The following ZNF429 variants were observed in gnomAD, a reference collection of about 807,000 sequenced individuals.
ZNF429 encodes the protein zinc finger protein 429.
A neutral mutation model predicts 56.8 loss-of-function variants in ZNF429; 53 were observed. The observed-to-expected ratio is 0.93, with a 90% CI of 0.75 to 1.17. The LOEUF is 1.17. Ranked by LOEUF, ZNF429 falls within the 50% of genes most tolerant of loss-of-function variation. The pLI is 0.00. For synonymous variants in ZNF429, 278 were observed against 264.7 expected (o/e 1.05, Z -0.49); for missense variants, 849 against 788.4 (o/e 1.08, Z -0.92).
chr19:21,512,662 C>CAAAAAAAAAAA (rs35584125), intron 1 of ZNF429, among the ~76,000 whole-genome samples: 1 of 81,378 alleles, frequency 1.2e-5, no homozygotes, highest in Non-Finnish European at 2.3e-5. Context: ...GACTCCATCT[C>CAAAAAAAAAAA]AAAAAAAAAA....
intron 1 of ZNF429, among the ~76,000 whole-genome samples, chr19:21,525,045 A>G (rs1217155907): frequency 6.6e-6 from 1 of 152,176 alleles, no homozygotes; most frequent in African/African-American, 2.4e-5. Context: ...TAGACTATCA[A>G]CTGGATAAAT....
rs930348038 is a variant in ZNF429, at chr19:21,537,655, G to T, written c.1602G>T (p.Glu534Asp). ...AACATAAGAAAATTCATACTGGAGA[G>T]AAACCTTACAAATGTGAAGAATGTG... ...LTQHKKIHTG[E>D]KPYKCEECGK... The change falls in exon 4 of 4, where the codon GAG (glutamate) becomes GAT (aspartate). Residue 534 changes from glutamate to aspartate, a missense_variant. By Grantham distance (45) the Glu-to-Asp change is conservative. Transcript: ENST00000358491. 4.3e-6 allele frequency: 7 copies of T among 1,613,374 alleles called. No individual in the cohort carries two copies. The highest frequency in any genetic ancestry group is 1.7e-5 in the Admixed American group (1 of 59,946).
At chr19:21,505,965 G>T (rs1432602716) in intron 1 of ZNF429, 191 bp downstream of exon 1, 2 of 529,510 alleles carry the variant, frequency 3.8e-6, no homozygotes, top group South Asian at 1.9e-5. Context: ...GGCCCCGGGC[G>T]TCCTGTCTTC....
rs1164629222 is a variant in ZNF429, at chr19:21,538,516, C to G, written c.*438C>G. On this transcript the variant is annotated 3_prime_UTR_variant, in exon 4 of 4. Transcript: ENST00000358491. ...TTGGGAGGCTGAGGCAGGAGAATTG[C>G]TTGAACCTGGGAGCCAGAGGTAGCA... is the stretch of plus-strand genomic sequence containing the variant. The G allele has an allele frequency of 6.5e-6, 1 of 153,106 alleles. No individual in the cohort carries two copies. Among genetic ancestry groups the G allele is most frequent in the Non-Finnish European group, 1.4e-5 (1 of 69,000 alleles). 9.5% of individuals were successfully genotyped at this position (153,106 alleles called of 1,614,324 possible). A position where few individuals can be genotyped will look rare whatever the true frequency, so the allele number is the denominator to read the frequency against.
At chr19:21,531,121 A>AACC in intron 3 of ZNF429, among the ~76,000 whole-genome samples, 2 of 104,888 alleles carry the variant, frequency 1.9e-5, no homozygotes, top group Non-Finnish European at 3.8e-5. Flanking sequence ...AAAAAAAAAA[A>AACC]AAAAAAAACC....
rs1377422330 is a variant in ZNF429 at position 21,538,918 on chromosome 19, T to C, written c.*840T>C. Among the ~76,000 whole-genome samples the C allele has an allele frequency of 6.6e-6, 1 of 152,182 alleles. No individual in the cohort carries two copies. The highest frequency in any genetic ancestry group is 2.4e-5 in the African/African-American group (1 of 41,456). ...AACATTACAAATGTAAAGAGGGTTA[T>C]AGTGCATTTACTTGTATCACAGATC... On this transcript the variant is annotated 3_prime_UTR_variant, in exon 4 of 4. Coordinates refer to ENST00000358491, the MANE Select transcript of ZNF429 (RefSeq NM_001001415.4).
chr19:21,522,210 C>T (rs1281522124), intron 1 of ZNF429, among the ~76,000 whole-genome samples: 1 of 152,198 alleles, frequency 6.6e-6, no homozygotes. Flanking sequence ...TACCTCCTGT[C>T]GTGAAGATAG....
intron 1 of ZNF429, chr19:21,519,078 G>T (rs527474356): frequency 1.3e-5 from 2 of 152,198 alleles, no homozygotes; most frequent in Middle Eastern, 3.4e-3. Context: ...TTGAGTTTAG[G>T]TTCTGATATC....
chr19:21,515,932 A>G (rs999944290), intron 1 of ZNF429, among the ~76,000 whole-genome samples: 2 of 151,982 alleles, frequency 1.3e-5, no homozygotes, highest in Non-Finnish European at 2.9e-5. Flanking sequence ...ATTCTGTTGC[A>G]TTGGTCTATG....
chr19:21,532,724 G>C, intron 3 of ZNF429, among the ~76,000 whole-genome samples: 1,517 of 150,976 alleles, frequency 0.01, 29 homozygotes, highest in African/African-American at 0.034. Context: ...TGGAGACGGT[G>C]GTCTCGCTTT....
At chr19:21,511,404 A>G (rs7248165) in intron 1 of ZNF429, among the ~76,000 whole-genome samples, 121,451 of 149,984 alleles carry the variant, frequency 0.81, 49,726 homozygotes, top group African/African-American at 0.95. Context: ...AGACAGGGTC[A>G]CGGCCGGGCA....
At position 21,538,880 on chromosome 19, in the gene ZNF429, TAGTCTGAGGAAAAACATTACAAA is replaced by T. The variant is rs71176897; in HGVS notation, c.*803_*825del. Among the ~76,000 whole-genome samples, 28,290 of 152,110 alleles carry T rather than the reference TAGTCTGAGGAAAAACATTACAAA, an allele frequency of 0.19. 2,681 individuals carry two copies. Among genetic ancestry groups the T allele is most frequent in the Middle Eastern group, 0.22 (64 of 294 alleles). On this transcript the variant is annotated 3_prime_UTR_variant, in exon 4 of 4. Transcript: ENST00000358491. ...TATCATCCTTTAAAGTGAATGAGAC[TAGTCTGAGGAAAAACATTACAAA>T]TGTAAAGAGGGTTATAGTGCATTTA...
In ZNF429 at chr19:21,537,694, C is replaced by A; in HGVS notation, c.1641C>A (p.Asn547Lys). ...YKCEECGKAFNRSSRLTQHKK... is the reference protein window; with the variant it reads ...YKCEECGKAFKRSSRLTQHKK... ...GTGAAGAATGTGGCAAAGCTTTTAA[C>A]CGGTCCTCAAGACTTACTCAACATA... The change falls in exon 4 of 4, where the codon AAC becomes AAA. Residue 547 changes from asparagine to lysine, a missense_variant. Transcript: ENST00000358491. The A allele has an allele frequency of 1.9e-6, 3 of 1,613,034 alleles. No homozygotes were observed. Among genetic ancestry groups the A allele is most frequent in the Non-Finnish European group, 2.5e-6 (3 of 1,179,834 alleles).
rs1282264115 is a variant in ZNF429 at position 21,537,977 on chromosome 19, A to G, written c.1924A>G (p.Ile642Val). Residue 642 changes from isoleucine (I) to valine (V), a missense_variant, in exon 4 of 4, where the codon ATT (isoleucine) becomes GTT (valine). Ile to Val is a conservative substitution (Grantham distance 29, BLOSUM62 3). Transcript: ENST00000358491. ...TTCAAGACTTACTCAACATAAGAAAATTCATAGGATGGGTGTGGTGGCTCA... is the reference window on the plus strand; with the variant it reads ...TTCAAGACTTACTCAACATAAGAAAGTTCATAGGATGGGTGTGGTGGCTCA... ...RSSRLTQHKKIHRMGVVAHAC... is the reference protein window; with the variant it reads ...RSSRLTQHKKVHRMGVVAHAC... The G allele has an allele frequency of 6.2e-7, 1 of 1,614,090 alleles. No homozygotes were observed. Among genetic ancestry groups the G allele is most frequent in the Non-Finnish European group, 8.5e-7 (1 of 1,180,036 alleles).
At chr19:21,515,900 C>G (rs940491984) in intron 1 of ZNF429, among the ~76,000 whole-genome samples, 1 of 152,084 alleles carries the variant, frequency 6.6e-6, no homozygotes, top group Non-Finnish European at 1.5e-5. Flanking sequence ...CGTAGGTGTG[C>G]AGCATTATTT....
intron 1 of ZNF429, among the ~76,000 whole-genome samples, chr19:21,524,144 T>C (rs924640650): frequency 2.0e-5 from 3 of 152,212 alleles, no homozygotes; most frequent in Non-Finnish European, 1.5e-5. Flanking sequence ...TAGAATCTAA[T>C]GTCAGATTCA....
intron 1 of ZNF429, among the ~76,000 whole-genome samples, chr19:21,512,406 T>C (rs2032530067): frequency 6.6e-6 from 1 of 151,956 alleles, no homozygotes; most frequent in Non-Finnish European, 1.5e-5. Context: ...TGCGCGGTAA[T>C]TTCAGCACTT....
exon 4 of ZNF429, among the ~76,000 whole-genome samples, chr19:21,540,667 AATAG>A (rs145104920): frequency 0.18 from 28,001 of 151,964 alleles, 2,602 homozygotes; most frequent in Middle Eastern, 0.21. Flanking sequence ...CTGAGTCTTA[AATAG>A]ATATTTTCAA....
At chr19:21,535,166 C>T in intron 3 of ZNF429, among the ~76,000 whole-genome samples, 1 of 142,678 alleles carries the variant, frequency 7.0e-6, no homozygotes, top group Non-Finnish European at 1.6e-5. Flanking sequence ...ATGTATCATC[C>T]TAATAGTCAG....
Sources: allele counts gnomAD v4.1 joint callset (sites outside exome capture counted in the v4.1 genomes callset), GRCh38; gene constraint gnomAD v4.1.1; transcripts MANE v1.5; gene names NCBI Gene and HGNC (gene_info 2026-07-23, HGNC 2026-07-21).